Variants in TNFAIP8L3 observed in about 807,000 individuals in gnomAD.
The protein encoded by TNFAIP8L3 is TNF alpha induced protein 8 like 3, also known as tumor necrosis factor alpha-induced protein 8-like protein 3.
Under a neutral mutation model 11.8 loss-of-function variants are expected in TNFAIP8L3, and 7 were observed. The ratio of observed to expected loss-of-function variants is 0.59; its 90% CI spans 0.34 to 1.11. The LOEUF (loss-of-function observed/expected upper bound fraction) is 1.11. TNFAIP8L3 is among the 50% of genes most tolerant of loss of function. TNFAIP8L3 has a pLI of 0.03. For synonymous variants in TNFAIP8L3, 98 were observed against 103.8 expected (o/e 0.94, Z 0.34); for missense variants, 219 against 258.6 (o/e 0.85, Z 1.05).
At chr15:51,092,404 T>G (rs1405749984) in intron 1 of TNFAIP8L3, among the ~76,000 whole-genome samples, 2 of 152,256 alleles carry the variant, frequency 1.3e-5, no homozygotes, top group African/African-American at 4.8e-5. Flanking sequence ...GGTTTCCATT[T>G]GACAGGATGC....
At chr15:51,104,929 C>T (rs930599410) in intron 1 of TNFAIP8L3, 62 of 1,584,148 alleles carry the variant, frequency 3.9e-5, no homozygotes, top group Admixed American at 3.0e-4. Context: ...ATCCTCAGCT[C>T]GCCACCTTGC....
chr15:51,088,516 AT>A (rs2065445562), intron 1 of TNFAIP8L3, among the ~76,000 whole-genome samples: 1 of 152,156 alleles, frequency 6.6e-6, no homozygotes, highest in Non-Finnish European at 1.5e-5. Context: ...GCACATCTAA[AT>A]GCATTTCTGT....
intron 1 of TNFAIP8L3, among the ~76,000 whole-genome samples, chr15:51,066,046 C>G (rs1199846100): frequency 4.0e-5 from 6 of 150,298 alleles, no homozygotes; most frequent in African/African-American, 1.5e-4. Flanking sequence ...TTCTGGCACT[C>G]AATCACTTAC....
rs1485273395 is a variant in TNFAIP8L3 at position 51,056,717 on chromosome 15, A to G, written c.*1164T>C. The G allele has an allele frequency of 6.6e-6, 1 of 151,986 alleles. No individual in the cohort carries two copies. Among genetic ancestry groups the G allele is most frequent in the African/African-American group, 2.4e-5 (1 of 41,372 alleles). 9.4% of individuals were successfully genotyped at this position (151,986 alleles called of 1,614,324 possible). On this transcript the variant is annotated 3_prime_UTR_variant, in exon 2 of 2. Coordinates refer to ENST00000637513, the MANE Select transcript of TNFAIP8L3 (RefSeq NM_001311175.2). ...CTGATTCTCCCGTGCATATGGAATAAAGCCTCCCTGAGCTCCATGCCCCTT... is the reference window on the plus strand; with the variant it reads ...CTGATTCTCCCGTGCATATGGAATAGAGCCTCCCTGAGCTCCATGCCCCTT...
intron 1 of TNFAIP8L3, among the ~76,000 whole-genome samples, chr15:51,089,983 C>T (rs1322153317): frequency 6.6e-6 from 1 of 152,222 alleles, no homozygotes; most frequent in East Asian, 1.9e-4. Context: ...ACTAAACAGC[C>T]TCTGCAAGGA....
chr15:51,104,007 G>A (rs1180574074), intron 1 of TNFAIP8L3, among the ~76,000 whole-genome samples: 1 of 152,188 alleles, frequency 6.6e-6, no homozygotes, highest in African/African-American at 2.4e-5. Flanking sequence ...GCAGAGTGGA[G>A]GGTGAGGTCA....
At chr15:51,089,688 C>T (rs1429434843) in intron 1 of TNFAIP8L3, among the ~76,000 whole-genome samples, 4 of 152,218 alleles carry the variant, frequency 2.6e-5, no homozygotes, top group Non-Finnish European at 5.9e-5. Context: ...TTTCTGGCTG[C>T]TGGTCTGGCC....
chr15:51,062,954 T>C (rs988134865), intron 1 of TNFAIP8L3, among the ~76,000 whole-genome samples: 1 of 152,156 alleles, frequency 6.6e-6, no homozygotes, highest in South Asian at 2.1e-4. Flanking sequence ...GATGTGATGA[T>C]GAAAACAGAG....
intron 1 of TNFAIP8L3, among the ~76,000 whole-genome samples, chr15:51,081,290 T>C (rs948043068): frequency 1.3e-5 from 2 of 152,116 alleles, no homozygotes; most frequent in Non-Finnish European, 1.5e-5. Flanking sequence ...CAGGAGGAGA[T>C]ATTAAGCTTC....
At chr15:51,084,012 A>C (rs1467561409) in intron 1 of TNFAIP8L3, among the ~76,000 whole-genome samples, 1 of 152,260 alleles carries the variant, frequency 6.6e-6, no homozygotes, top group Non-Finnish European at 1.5e-5. Context: ...GCATGTACTC[A>C]CTGAAGACAA....
chr15:51,071,926 AATGTATTTGTGTTTATTGGGC>A (rs900653066), intron 1 of TNFAIP8L3, among the ~76,000 whole-genome samples: 3 of 152,188 alleles, frequency 2.0e-5, no homozygotes, highest in African/African-American at 4.8e-5. Flanking sequence ...GGTGAGAGTC[AATGTATTTGTGTTTATTGGGC>A]ATTAAGGTTT....
At chr15:51,073,602 T>C (rs1567290324) in intron 1 of TNFAIP8L3, among the ~76,000 whole-genome samples, 1 of 152,232 alleles carries the variant, frequency 6.6e-6, no homozygotes, top group Non-Finnish European at 1.5e-5. Flanking sequence ...ATAGCATCTC[T>C]TGGACTTTTT....
upstream of TNFAIP8L3, among the ~76,000 whole-genome samples, chr15:51,096,318 C>G (rs910394805): frequency 4.6e-5 from 7 of 152,146 alleles, no homozygotes; most frequent in Non-Finnish European, 8.8e-5. Flanking sequence ...CTCATGGACT[C>G]TAGTGATACA....
At chr15:51,083,830 G>A (rs1401921840) in intron 1 of TNFAIP8L3, among the ~76,000 whole-genome samples, 1 of 152,214 alleles carries the variant, frequency 6.6e-6, no homozygotes, top group African/African-American at 2.4e-5. Flanking sequence ...GGGCTGGGCG[G>A]AGCCAGTGAG....
At chr15:51,101,209 C>T (rs2065548058) in intron 1 of TNFAIP8L3, among the ~76,000 whole-genome samples, 3 of 152,244 alleles carry the variant, frequency 2.0e-5, no homozygotes, top group Non-Finnish European at 4.4e-5. Flanking sequence ...TTTCGTCCTT[C>T]AGCCCAGGGT....
chr15:51,096,891 C>CAAAAAAAAAAAAAA (rs56057102), upstream of TNFAIP8L3, among the ~76,000 whole-genome samples: 7 of 98,268 alleles, frequency 7.1e-5, no homozygotes, highest in South Asian at 3.8e-4. Context: ...CACGCTGTCT[C>CAAAAAAAAAAAAAA]AAAAAAAAAA....
chr15:51,104,934 C>A (rs926669735), intron 1 of TNFAIP8L3: 9 of 1,598,522 alleles, frequency 5.6e-6, no homozygotes, highest in African/African-American at 1.3e-5. Flanking sequence ...CAGCTCGCCA[C>A]CTTGCATGCT....
At chr15:51,064,740 C>T (rs1184656059) in intron 1 of TNFAIP8L3, 2 of 152,190 alleles carry the variant, frequency 1.3e-5, no homozygotes, top group African/African-American at 2.4e-5. Context: ...AAATCTTGGC[C>T]TTGCTTTCAA....
At chr15:51,104,915 G>A in intron 1 of TNFAIP8L3, 1 of 1,523,464 alleles carries the variant, frequency 6.6e-7, no homozygotes, top group Non-Finnish European at 9.1e-7. Flanking sequence ...TGCCAGCTCT[G>A]TGCATCCTCA....
Sources: gnomAD v4.1 joint callset for allele counts (sites outside exome capture counted in the v4.1 genomes callset) on GRCh38, gnomAD v4.1.1 for gene constraint, MANE v1.5 for transcripts, NCBI Gene and HGNC (gene_info 2026-07-23, HGNC 2026-07-21) for gene names.